The following GRID2 variants were observed in gnomAD, a reference collection of about 807,000 sequenced individuals.
GRID2 encodes the protein glutamate ionotropic receptor delta type subunit 2.
GRID2 carries 33 observed loss-of-function variants against 114.8 expected under a neutral mutation model. That is an observed-to-expected ratio of 0.29 (90% confidence interval 0.22 to 0.38). GRID2 has a LOEUF of 0.38. Ranked by LOEUF, GRID2 falls within the 10% of genes least tolerant of loss-of-function variation. The pLI, the probability that GRID2 is intolerant of heterozygous loss-of-function variation, is 1.00. For synonymous variants in GRID2, 505 were observed against 449.9 expected (o/e 1.12, Z -1.55); for missense variants, 1,184 against 1,257.7 (o/e 0.94, Z 0.89).
intron 2 of GRID2, among the ~76,000 whole-genome samples, chr4:92,613,598 G>A (rs545547079): frequency 2.0e-5 from 3 of 151,428 alleles, no homozygotes; most frequent in Non-Finnish European, 4.4e-5. Context: ...GATCTATTCA[G>A]ATTTTTCTCA....
intron 2 of GRID2, among the ~76,000 whole-genome samples, chr4:92,745,102 A>C (rs1231649242): frequency 5.9e-5 from 9 of 152,202 alleles, no homozygotes; most frequent in African/African-American, 2.2e-4. Context: ...AGAGGAGAAT[A>C]AAACAGAAAC....
At chr4:92,736,287 A>G (rs2149328019) in intron 2 of GRID2, among the ~76,000 whole-genome samples, 1 of 152,214 alleles carries the variant, frequency 6.6e-6, no homozygotes, top group Admixed American at 6.5e-5. Context: ...AAAGTTGGAA[A>G]AGACAAGAAA....
intron 2 of GRID2, among the ~76,000 whole-genome samples, chr4:93,049,274 T>C (rs945030089): frequency 6.6e-6 from 1 of 152,066 alleles, no homozygotes; most frequent in African/African-American, 2.4e-5. Context: ...AGCATTCTCA[T>C]TTATTTATGT....
intron 5 of GRID2, among the ~76,000 whole-genome samples, chr4:93,215,312 C>G (rs1239706134): frequency 1.3e-5 from 2 of 151,962 alleles, no homozygotes; most frequent in Admixed American, 1.3e-4. Context: ...ATGAAAGTTC[C>G]TGTCTGTATC....
chr4:93,452,833 T>A (rs1347015853), intron 10 of GRID2, among the ~76,000 whole-genome samples: 1 of 151,990 alleles, frequency 6.6e-6, no homozygotes, highest in East Asian at 1.9e-4. Flanking sequence ...CTGGTTATGT[T>A]GTTTATTGAT....
chr4:93,258,952 T>C (rs1343824323), intron 8 of GRID2: 1 of 455,392 alleles, frequency 2.2e-6, no homozygotes, highest in Admixed American at 2.4e-5. Context: ...AGGTGAGGAA[T>C]ATTAATAAGG....
intron 14 of GRID2, among the ~76,000 whole-genome samples, chr4:93,702,491 A>G (rs544561165): frequency 2.0e-5 from 3 of 152,242 alleles, no homozygotes; most frequent in South Asian, 4.1e-4. Context: ...TATTTTATTC[A>G]TGGGTATTTG....
rs557597724 is a variant in GRID2 at position 92,803,671 on chromosome 4, A to G, written c.244+213385A>G. ...TTATTTTTGCTTCTATCTGGAGCCC[A>G]CTCACATGTGTTTATCTTCTTGTTT... On this transcript the variant is annotated intron_variant, in intron 2 of 15. Coordinates refer to ENST00000282020, the MANE Select transcript of GRID2 (RefSeq NM_001510.4). Among the ~76,000 whole-genome samples the G allele has an allele frequency of 2.6e-5, 4 of 152,056 alleles. No homozygotes were observed. The East Asian group carries it at 5.8e-4, about 22-fold the overall frequency.
At chr4:92,539,724 T>C (rs1216655470) in intron 1 of GRID2, among the ~76,000 whole-genome samples, 2 of 152,192 alleles carry the variant, frequency 1.3e-5, no homozygotes, top group African/African-American at 4.8e-5. Context: ...GCCTATACAT[T>C]CTTAAAATTA....
chr4:93,551,413 C>T (rs1016731022), intron 13 of GRID2, among the ~76,000 whole-genome samples: 4 of 152,022 alleles, frequency 2.6e-5, no homozygotes, highest in African/African-American at 9.7e-5. Flanking sequence ...GGACAGTCTG[C>T]CCAGAAGAGG....
chr4:92,802,576 G>T (rs937761327), intron 2 of GRID2, among the ~76,000 whole-genome samples: 1 of 151,910 alleles, frequency 6.6e-6, no homozygotes, highest in African/African-American at 2.4e-5. Context: ...CACAGCCATT[G>T]AACCAATTCC....
chr4:93,034,861 G>C (rs894811760), intron 2 of GRID2, among the ~76,000 whole-genome samples: 3 of 152,056 alleles, frequency 2.0e-5, no homozygotes, highest in African/African-American at 7.2e-5. Context: ...GTTAACTTCC[G>C]TTCTTCCTCC....
At chr4:92,641,635 C>G (rs1046439317) in intron 2 of GRID2, among the ~76,000 whole-genome samples, 3 of 151,616 alleles carry the variant, frequency 2.0e-5, no homozygotes, top group Non-Finnish European at 4.4e-5. Flanking sequence ...AGTTAATAAT[C>G]ATATATGCTT....
rs1229359500 is a variant in GRID2, at chr4:92,526,367, G to C, written c.89-63764G>C. Among the ~76,000 whole-genome samples the C allele has an allele frequency of 2.0e-5, 3 of 152,058 alleles. No homozygotes were observed. The East Asian group carries it at 5.8e-4, about 29-fold the overall frequency. ...TTTTGTTTGTTTTGTTTTTGAGATG[G>C]AGTTTTGCTATTGTTGCCCAGGCAG... On this transcript the variant is annotated intron_variant, in intron 1 of 15. Coordinates refer to ENST00000282020, the MANE Select transcript of GRID2 (RefSeq NM_001510.4).
chr4:93,711,233 A>G (rs769382944), intron 14 of GRID2, among the ~76,000 whole-genome samples: 3 of 152,148 alleles, frequency 2.0e-5, no homozygotes, highest in South Asian at 2.1e-4. Context: ...TGTGCCAAGT[A>G]CTGCCTGGCT....
intron 1 of GRID2, among the ~76,000 whole-genome samples, chr4:92,423,878 T>G (rs113179160): frequency 6.6e-6 from 1 of 151,954 alleles, no homozygotes; most frequent in Admixed American, 6.6e-5. Context: ...GCAACACAAT[T>G]AGTCAAATTG....
In GRID2 at chr4:93,614,263, AC is replaced by A. The variant is rs561494869; in HGVS notation, c.2194-12003del. ...TACCTCAGATGGAAATGCAGAAATC[AC>A]CCGTCTTCTGCGTCGCTCACGCTGG... On this transcript the variant is annotated intron_variant, in intron 13 of 15. Transcript: ENST00000282020. Among the ~76,000 whole-genome samples the A allele has an allele frequency of 8.5e-3, 1,289 of 152,022 alleles. 15 individuals are homozygous for A. The highest frequency in any genetic ancestry group is 0.029 in the African/African-American group (1,197 of 41,476).
chr4:92,930,578 A>ATTT (rs35741890), intron 2 of GRID2, among the ~76,000 whole-genome samples: 23 of 119,496 alleles, frequency 1.9e-4, no homozygotes, highest in African/African-American at 2.8e-4. Flanking sequence ...CACTTTCGGC[A>ATTT]TTTTTTTTTT....
At chr4:93,406,897 T>C (rs191568574) in intron 9 of GRID2, among the ~76,000 whole-genome samples, 67 of 152,276 alleles carry the variant, frequency 4.4e-4, no homozygotes, top group Admixed American at 1.8e-3. Flanking sequence ...TAAATTAGCA[T>C]TGGGTAAACG....
Sources: gnomAD v4.1 joint callset for allele counts (sites outside exome capture counted in the v4.1 genomes callset) on GRCh38, gnomAD v4.1.1 for gene constraint, MANE v1.5 for transcripts, NCBI Gene and HGNC (gene_info 2026-07-23, HGNC 2026-07-21) for gene names.